HCN1: variants seen among roughly 807,000 people sequenced by gnomAD.
HCN1 encodes the protein potassium/sodium hyperpolarization-activated cyclic nucleotide-gated channel 1.
A neutral mutation model predicts 78.9 loss-of-function variants in HCN1; 13 were observed. That is an observed-to-expected ratio of 0.16 (90% CI 0.11 to 0.26). The LOEUF is 0.26. HCN1 is among the 10% of genes least tolerant of loss of function. HCN1 has a pLI of 1.00. For synonymous variants in HCN1, 552 were observed against 455.5 expected (o/e 1.21, Z -2.70); for missense variants, 810 against 1,154.3 (o/e 0.70, Z 4.32).
chr5:45,659,379 C>G (rs1294873128), intron 1 of HCN1, among the ~76,000 whole-genome samples: 1 of 110,746 alleles, frequency 9.0e-6, no homozygotes. Flanking sequence ...AAACTGGAAA[C>G]TCTAAAACGC....
At chr5:45,296,275 T>A (rs1745492262) in intron 6 of HCN1, among the ~76,000 whole-genome samples, 1 of 151,870 alleles carries the variant, frequency 6.6e-6, no homozygotes, top group South Asian at 2.1e-4. Flanking sequence ...ATAATGAGAA[T>A]CATACAAGGT....
chr5:45,279,983 T>G (rs1745127983), intron 6 of HCN1, among the ~76,000 whole-genome samples: 1 of 151,966 alleles, frequency 6.6e-6, no homozygotes. Context: ...TCTAGAACTA[T>G]AACACTTAAA....
At chr5:45,509,986 C>T (rs1376399105) in intron 2 of HCN1, among the ~76,000 whole-genome samples, 1 of 152,054 alleles carries the variant, frequency 6.6e-6, no homozygotes, top group Non-Finnish European at 1.5e-5. Flanking sequence ...TAAAATTATC[C>T]TCTCTCAAAT....
At position 45,255,755 on chromosome 5, in the gene HCN1, A is replaced by C. The variant is rs1744597452; in HGVS notation, c.*6166T>G. ...TGGGTTATGTTCTTTCTTCCTTCAA[A>C]AGTAAATCTTTCCTTTCTCAGGAGT... On this transcript the variant is annotated 3_prime_UTR_variant, in exon 8 of 8. Coordinates refer to ENST00000303230, the MANE Select transcript of HCN1 (RefSeq NM_021072.4). The C allele has an allele frequency of 6.6e-6, 1 of 152,208 alleles. No homozygotes were observed. Among genetic ancestry groups the C allele is most frequent in the South Asian group, 2.1e-4 (1 of 4,830 alleles). 9.4% of individuals were successfully genotyped at this position (152,208 alleles called of 1,614,324 possible).
chr5:45,396,791 C>G, intron 3 of HCN1, 81 bp from the exon 4 acceptor site: 1 of 1,038,028 alleles, frequency 9.6e-7, no homozygotes, highest in Admixed American at 1.7e-5. Context: ...TACACAGAAG[C>G]ATTATAAAAT....
At chr5:45,364,981 G>T (rs1210390529) in intron 4 of HCN1, among the ~76,000 whole-genome samples, 1 of 151,866 alleles carries the variant, frequency 6.6e-6, no homozygotes, top group African/African-American at 2.4e-5. Flanking sequence ...AATTTCTACT[G>T]AAATTACCTG....
At chr5:45,508,583 C>A (rs1742353003) in intron 2 of HCN1, among the ~76,000 whole-genome samples, 1 of 152,050 alleles carries the variant, frequency 6.6e-6, no homozygotes, top group African/African-American at 2.4e-5. Flanking sequence ...GTATGTCCTA[C>A]TTATAATCAT....
chr5:45,631,566 G>GA (rs997627450), intron 2 of HCN1, among the ~76,000 whole-genome samples: 45 of 150,366 alleles, frequency 3.0e-4, no homozygotes, highest in East Asian at 2.7e-3. Flanking sequence ...TCCCAATATT[G>GA]AAAAAAAAAT....
chr5:45,493,384 T>C (rs1184709639), intron 2 of HCN1, among the ~76,000 whole-genome samples: 1 of 152,040 alleles, frequency 6.6e-6, no homozygotes, highest in Non-Finnish European at 1.5e-5. Context: ...AATTTTCTAA[T>C]GTCTCCAAGT....
intron 5 of HCN1, among the ~76,000 whole-genome samples, chr5:45,313,985 G>A (rs1745917624): frequency 6.6e-6 from 1 of 152,092 alleles, no homozygotes; most frequent in African/African-American, 2.4e-5. Context: ...TAGCAAGGCA[G>A]GCCAACATTC....
Position 45,695,873 on chromosome 5 carries a change from C to G in HCN1, c.221G>C (p.Gly74Ala). The G allele has an allele frequency of 6.9e-7, 1 of 1,446,364 alleles. No individual in the cohort carries two copies. Among genetic ancestry groups the G allele is most frequent in the Non-Finnish European group, 9.2e-7 (1 of 1,090,244 alleles). 89.6% of individuals were successfully genotyped at this position (1,446,364 alleles called of 1,614,324 possible). A position where few individuals can be genotyped will look rare whatever the true frequency, so the allele number is the denominator to read the frequency against. The change falls in exon 1 of 8, where the codon GGC becomes GCC. Residue 74 changes from glycine to alanine, a missense_variant. By Grantham distance (60) the Gly-to-Ala change is moderately conservative. Transcript: ENST00000303230. Reference protein sequence around the residue: ...GGGGGGGGGGGEEPAGGFEDA... With the variant: ...GGGGGGGGGGAEEPAGGFEDA... ...TTCGAAGCCCCCCGCCGGCTCCTCG[C>G]CGCCGCCGCCGCCGCCGCCACCGCC...
rs1474264651 is a variant in HCN1, at chr5:45,267,010, C to T, written c.1783+79G>A. ...AGGCATGAGTCACCACTCCCCACTG[C>T]ATTTGGGACTTATAATTGCAAACCT... On this transcript the variant is annotated intron_variant, in intron 7 of 7. Coordinates refer to ENST00000303230, the MANE Select transcript of HCN1 (RefSeq NM_021072.4). The T allele has an allele frequency of 4.1e-6, 5 of 1,215,372 alleles. No individual in the cohort carries two copies. In the East Asian group the frequency reaches 1.2e-4, roughly 28 times the overall value. The allele number at this position is 1,215,372 out of a possible 1,614,324, so 75.3% of individuals were successfully genotyped here. A position where few individuals can be genotyped will look rare whatever the true frequency, so the allele number is the denominator to read the frequency against.
At chr5:45,501,586 A>G (rs1432603052) in intron 2 of HCN1, among the ~76,000 whole-genome samples, 1 of 151,830 alleles carries the variant, frequency 6.6e-6, no homozygotes, top group Non-Finnish European at 1.5e-5. Flanking sequence ...GACTACAGGC[A>G]CCCGCCACCA....
At chr5:45,595,892 T>G (rs374180772) in intron 2 of HCN1, among the ~76,000 whole-genome samples, 2 of 151,692 alleles carry the variant, frequency 1.3e-5, no homozygotes, top group African/African-American at 4.8e-5. Flanking sequence ...TTTGGACCTA[T>G]GATTTTTTTT....
chr5:45,492,290 C>G (rs995930454), intron 2 of HCN1, among the ~76,000 whole-genome samples: 1 of 141,518 alleles, frequency 7.1e-6, no homozygotes, highest in Non-Finnish European at 1.6e-5. Flanking sequence ...CACCAAAACT[C>G]TGTGTATGTG....
chr5:45,592,125 G>A (rs1744377116), intron 2 of HCN1, among the ~76,000 whole-genome samples: 1 of 151,844 alleles, frequency 6.6e-6, no homozygotes, highest in Non-Finnish European at 1.5e-5. Context: ...CTATTTCTGG[G>A]CTCTGTATTC....
At chr5:45,563,990 A>C (rs1743657696) in intron 2 of HCN1, among the ~76,000 whole-genome samples, 1 of 152,196 alleles carries the variant, frequency 6.6e-6, no homozygotes, top group Admixed American at 6.5e-5. Context: ...GTGAACTTAC[A>C]ACTGAGGTGA....
intron 3 of HCN1, among the ~76,000 whole-genome samples, chr5:45,439,181 A>G (rs988115207): frequency 6.6e-6 from 1 of 152,128 alleles, no homozygotes; most frequent in Non-Finnish European, 1.5e-5. Context: ...CCAATAGCCC[A>G]TTAAAATTTC....
chr5:45,438,827 G>A (rs931977576), intron 3 of HCN1, among the ~76,000 whole-genome samples: 3 of 152,056 alleles, frequency 2.0e-5, no homozygotes, highest in Non-Finnish European at 4.4e-5. Flanking sequence ...AATTATTAAA[G>A]TAAAGGAACA....
Sources: allele counts gnomAD v4.1 joint callset (sites outside exome capture counted in the v4.1 genomes callset), GRCh38; gene constraint gnomAD v4.1.1; transcripts MANE v1.5; gene names NCBI Gene and HGNC (gene_info 2026-07-23, HGNC 2026-07-21).